Variants in NFILZ observed in about 807,000 individuals in gnomAD.
NFILZ encodes NFIL3 like basic leucine zipper, also known as NFIL3 like protein.
chr19:8,643,883 C>T (rs78045374), intron 3 of NFILZ, among the ~76,000 whole-genome samples: 147,829 of 152,212 alleles, frequency 0.97, 71,909 homozygotes, highest in Non-Finnish European at 1. Flanking sequence ...TCTCTCTCCA[C>T]CTTTCTGATC....
At chr19:8,649,500 C>A (rs1283380792) in intron 3 of NFILZ, among the ~76,000 whole-genome samples, 1 of 152,036 alleles carries the variant, frequency 6.6e-6, no homozygotes, top group Non-Finnish European at 1.5e-5. Flanking sequence ...CTCCTGACCT[C>A]AGGTGATCCA....
chr19:8,670,726 G>A (rs1277228469), intron 3 of NFILZ, among the ~76,000 whole-genome samples: 1 of 152,136 alleles, frequency 6.6e-6, no homozygotes, highest in Non-Finnish European at 1.5e-5. Flanking sequence ...CAGGCGCTCT[G>A]GCTCATGCCT....
chr19:8,675,503 T>C (rs1385699553), intron 4 of NFILZ, among the ~76,000 whole-genome samples: 2 of 152,220 alleles, frequency 1.3e-5, no homozygotes, highest in African/African-American at 4.8e-5. Flanking sequence ...TGATTTTTTT[T>C]CTCTACCCCC....
chr19:8,633,314 G>T (rs1386079180), intron 2 of NFILZ, among the ~76,000 whole-genome samples: 1 of 152,078 alleles, frequency 6.6e-6, no homozygotes, highest in Non-Finnish European at 1.5e-5. Flanking sequence ...AAGCCAACGC[G>T]CCCGGCCTCC....
chr19:8,668,824 G>A (rs1289753083), intron 3 of NFILZ, among the ~76,000 whole-genome samples: 2 of 152,128 alleles, frequency 1.3e-5, no homozygotes, highest in African/African-American at 4.8e-5. Context: ...ATTTGGTCTC[G>A]AGTGGATAGT....
chr19:8,672,331 A>G (rs1256026360), intron 3 of NFILZ, among the ~76,000 whole-genome samples: 2 of 152,176 alleles, frequency 1.3e-5, no homozygotes, highest in African/African-American at 4.8e-5. Flanking sequence ...TTATTTGTTC[A>G]TTCAAAAAAA....
intron 3 of NFILZ, among the ~76,000 whole-genome samples, chr19:8,663,730 G>GTTTGTGTA (rs1249556258): frequency 1.3e-5 from 1 of 77,316 alleles, no homozygotes; most frequent in African/African-American, 7.6e-5. Context: ...GTTTGTGTGT[G>GTTTGTGTA]TGTGTGTGTG....
intron 3 of NFILZ, among the ~76,000 whole-genome samples, chr19:8,670,215 C>T (rs1311390590): frequency 2.6e-5 from 4 of 152,000 alleles, no homozygotes; most frequent in African/African-American, 9.7e-5. Flanking sequence ...GATTCTCCCA[C>T]TTCAGCCTCC....
rs1198522298 is a variant in NFILZ, at chr19:8,635,661, G to A, written c.-249G>A. 6.6e-6 allele frequency: 1 copy of A among 152,142 alleles called. No individual in the cohort carries two copies. The highest frequency in any genetic ancestry group is 1.5e-5 in the Non-Finnish European group (1 of 68,032). The allele number at this position is 152,142 out of a possible 1,614,324, so 9.4% of individuals were successfully genotyped here. A position where few individuals can be genotyped will look rare whatever the true frequency, so the allele number is the denominator to read the frequency against. ...TCATTTGTTGACAGACACGTGAGTT[G>A]TTTCCAGTTTTGGTGACGAATGCCC... On this transcript the variant is annotated 5_prime_UTR_variant, in exon 3 of 6. Coordinates refer to ENST00000691075, the MANE Select transcript of NFILZ (RefSeq NM_001378600.1).
chr19:8,668,879 C>T (rs782780667), intron 3 of NFILZ, among the ~76,000 whole-genome samples: 36 of 152,052 alleles, frequency 2.4e-4, no homozygotes, highest in Non-Finnish European at 2.9e-5. Flanking sequence ...GGGTGATGTC[C>T]GAAGGTTCTC....
chr19:8,670,986 C>G (rs2043083950), intron 3 of NFILZ, among the ~76,000 whole-genome samples: 1 of 110,382 alleles, frequency 9.1e-6, no homozygotes, highest in South Asian at 3.5e-4. Flanking sequence ...CAGAGTGAGA[C>G]TGTCTCAAAA....
rs2043110622 is a variant in NFILZ at position 8,676,471 on chromosome 19, C to G, written c.-16+15C>G. ...CCTTCTCAACAGTAAGGAGAACACCCCTGGAAGAGCATGTGTCCTTCTGAG... is the reference window on the plus strand; with the variant it reads ...CCTTCTCAACAGTAAGGAGAACACCGCTGGAAGAGCATGTGTCCTTCTGAG... On this transcript the variant is annotated intron_variant, in intron 5 of 5. Coordinates refer to ENST00000691075, the MANE Select transcript of NFILZ (RefSeq NM_001378600.1). 6.6e-6 allele frequency among the ~76,000 whole-genome samples: 1 copy of G among 152,174 alleles called. No individual in the cohort carries two copies. The highest frequency in any genetic ancestry group is 2.4e-5 in the African/African-American group (1 of 41,440).
At chr19:8,654,318 GA>G (rs146670629) in intron 3 of NFILZ, among the ~76,000 whole-genome samples, 13 of 92,812 alleles carry the variant, frequency 1.4e-4, no homozygotes, top group Admixed American at 4.9e-4. Context: ...AAAAGCTACT[GA>G]AAAAAAAAAA....
intron 2 of NFILZ, among the ~76,000 whole-genome samples, chr19:8,633,258 G>A (rs2042878848): frequency 6.6e-6 from 1 of 152,052 alleles, no homozygotes; most frequent in Non-Finnish European, 1.5e-5. Context: ...CTGACCTAAG[G>A]CGATGCACCC....
chr19:8,680,260 G>T lies in NFILZ; in HGVS notation c.*2625G>T, dbSNP rs1232579554. ...TTCCCTTTTTGCTTTGCCCACCAAG[G>T]AGCTCAGGGCCGAGCTTGTGGCTCA... On this transcript the variant is annotated 3_prime_UTR_variant, in exon 6 of 6. Coordinates refer to ENST00000691075, the MANE Select transcript of NFILZ (RefSeq NM_001378600.1). 6.6e-6 allele frequency among the ~76,000 whole-genome samples: 1 copy of T among 151,064 alleles called. No homozygotes were observed. The highest frequency in any genetic ancestry group is 1.5e-5 in the Non-Finnish European group (1 of 67,868).
At chr19:8,633,901 T>C (rs1226270029) in intron 2 of NFILZ, among the ~76,000 whole-genome samples, 1 of 142,934 alleles carries the variant, frequency 7.0e-6, no homozygotes, top group Non-Finnish European at 1.6e-5. Context: ...CTTCCTTCCT[T>C]CCTTCCTTCC....
Position 8,679,308 on chromosome 19 carries a change from A to C in NFILZ, c.*1673A>C, listed in dbSNP as rs1341183826. On this transcript the variant is annotated 3_prime_UTR_variant, in exon 6 of 6. Coordinates refer to ENST00000691075, the MANE Select transcript of NFILZ (RefSeq NM_001378600.1). ...TTATTATTATTATTATTATTATTAC[A>C]TCAGGGATCTTGTTAGATTCTAGAT... Among the ~76,000 whole-genome samples, 3 of 138,252 alleles carry C rather than the reference A, an allele frequency of 2.2e-5. No homozygotes were observed. The highest frequency in any genetic ancestry group is 4.5e-5 in the Non-Finnish European group (3 of 66,658). 90.7% of individuals were successfully genotyped at this position (138,252 alleles called of 152,430 possible).
Position 8,647,793 on chromosome 19 carries a change from GCGCACACACA to G in NFILZ, c.-164+12049_-164+12058del, listed in dbSNP as rs1456679786. Among the ~76,000 whole-genome samples the G allele has an allele frequency of 2.3e-3, 159 of 69,636 alleles. 1 individual carries two copies. Among genetic ancestry groups the G allele is most frequent in the Middle Eastern group, 9.8e-3 (1 of 102 alleles). 45.7% of individuals were successfully genotyped at this position (69,636 alleles called of 152,430 possible). A position where few individuals can be genotyped will look rare whatever the true frequency, so the allele number is the denominator to read the frequency against. ...CACGCACACATGCGCGCGCGCGCGC[GCGCACACACA>G]CACACACACACACACACACACACAC... On this transcript the variant is annotated intron_variant, in intron 3 of 5. Transcript: ENST00000691075.
At chr19:8,666,278 G>C (rs936884670) in intron 3 of NFILZ, among the ~76,000 whole-genome samples, 10 of 151,862 alleles carry the variant, frequency 6.6e-5, no homozygotes, top group African/African-American at 2.2e-4. Flanking sequence ...GGAGTGCAGT[G>C]GTGCCATCAC....
Sources: allele counts gnomAD v4.1 joint callset (sites outside exome capture counted in the v4.1 genomes callset), GRCh38; gene constraint gnomAD v4.1.1; transcripts MANE v1.5; gene names NCBI Gene and HGNC (gene_info 2026-07-23, HGNC 2026-07-21).